FRMPD2: variants seen among roughly 807,000 people sequenced by gnomAD.
FRMPD2 encodes the protein FERM and PDZ domain-containing protein 2.
Under a neutral mutation model 140.1 loss-of-function variants are expected in FRMPD2, and 96 were observed. The ratio of observed to expected loss-of-function variants is 0.69; its 90% CI spans 0.58 to 0.81. The LOEUF is 0.81. FRMPD2 is among the 40% of genes least tolerant of loss of function. FRMPD2 has a pLI of 0.00. For synonymous variants in FRMPD2, 449 were observed against 547.6 expected (o/e 0.82, Z 2.52); for missense variants, 1,240 against 1,447.4 (o/e 0.86, Z 2.32).
At chr10:48,218,880 C>A (rs1405754028) in intron 12 of FRMPD2, among the ~76,000 whole-genome samples, 1 of 152,162 alleles carries the variant, frequency 6.6e-6, no homozygotes, top group Non-Finnish European at 1.5e-5. Flanking sequence ...GAGAAAGAAC[C>A]AGAACCCTTC....
intron 4 of FRMPD2, among the ~76,000 whole-genome samples, chr10:48,243,851 T>C (rs1321743004): frequency 6.6e-6 from 1 of 152,186 alleles, no homozygotes; most frequent in Non-Finnish European, 1.5e-5. Context: ...CCAGGTCAGC[T>C]AGGCAGGGCT....
intron 14 of FRMPD2, among the ~76,000 whole-genome samples, chr10:48,203,822 C>T (rs1291212500): frequency 6.6e-6 from 1 of 152,116 alleles, no homozygotes; most frequent in Non-Finnish European, 1.5e-5. Context: ...GATGTTTTCA[C>T]CCCAGTTGGT....
chr10:48,230,245 A>G (rs1839820393), intron 10 of FRMPD2, among the ~76,000 whole-genome samples: 3 of 152,170 alleles, frequency 2.0e-5, no homozygotes, highest in African/African-American at 7.2e-5. Context: ...GAATTCTAAA[A>G]CTATCCATAA....
chr10:48,246,658 T>C (rs761155369), intron 3 of FRMPD2, among the ~76,000 whole-genome samples: 4 of 152,216 alleles, frequency 2.6e-5, no homozygotes, highest in Non-Finnish European at 5.9e-5. Flanking sequence ...AGGGCAGATG[T>C]TGGTCCAAGG....
intron 10 of FRMPD2, among the ~76,000 whole-genome samples, chr10:48,225,986 C>T (rs1839712751): frequency 6.6e-6 from 1 of 152,160 alleles, no homozygotes; most frequent in South Asian, 2.1e-4. Flanking sequence ...GATGTGTACT[C>T]TTTTGGGGTT....
At chr10:48,230,525 C>T (rs1588843125) in intron 10 of FRMPD2, among the ~76,000 whole-genome samples, 1 of 152,178 alleles carries the variant, frequency 6.6e-6, no homozygotes, top group Non-Finnish European at 1.5e-5. Context: ...TGGTCAACCA[C>T]TATTCTTGAT....
intron 14 of FRMPD2, among the ~76,000 whole-genome samples, chr10:48,206,425 G>T (rs150738097): frequency 7.2e-5 from 11 of 152,262 alleles, no homozygotes; most frequent in South Asian, 2.1e-4. Flanking sequence ...TGCTCTCAAC[G>T]TTAATGGAGT....
intron 14 of FRMPD2, among the ~76,000 whole-genome samples, chr10:48,206,471 G>A (rs1468512939): frequency 1.3e-5 from 2 of 152,210 alleles, no homozygotes; most frequent in African/African-American, 2.4e-5. Flanking sequence ...GAAGGAAAGT[G>A]TAGCCCTTTA....
chr10:48,239,028 C>T (rs770373202), intron 7 of FRMPD2, among the ~76,000 whole-genome samples: 4 of 152,206 alleles, frequency 2.6e-5, no homozygotes, highest in Non-Finnish European at 5.9e-5. Flanking sequence ...CTCTCTCTCT[C>T]AGTTCCTCTC....
chr10:48,217,319 A>T (rs888449088), intron 12 of FRMPD2, among the ~76,000 whole-genome samples: 1 of 152,204 alleles, frequency 6.6e-6, no homozygotes, highest in Non-Finnish European at 1.5e-5. Context: ...TTCTATGCTA[A>T]TGACCAATAA....
intron 16 of FRMPD2, among the ~76,000 whole-genome samples, chr10:48,190,090 G>T (rs1273006824): frequency 1.3e-5 from 2 of 152,120 alleles, no homozygotes; most frequent in Admixed American, 1.3e-4. Context: ...GTCAGAAGGG[G>T]CCCCCGGCAG....
rs1839866713 is a variant in FRMPD2, at chr10:48,232,208, C to T, written c.1075G>A (p.Asp359Asn). ...ACAGCTCCCACTGTTGATTCAACAT[C>T]ACATTTTACCTCCAGGTGCTGCCCG... ...LNGQHLEVKC[D>N]VESTVGAVFN... The change falls in exon 10 of 29, where the codon GAT becomes AAT. Residue 359 changes from aspartate to asparagine, a missense_variant. Physicochemically the swap from Asp to Asn is conservative, Grantham distance 23. This residue lies in a region of FRMPD2 where 1,161 missense variants were observed against 1,055.9 expected (regional missense o/e 1.10). Coordinates refer to ENST00000374201, the MANE Select transcript of FRMPD2 (RefSeq NM_001018071.4). The T allele has an allele frequency of 6.2e-7, 1 of 1,614,042 alleles. No individual in the cohort carries two copies. Among genetic ancestry groups the T allele is most frequent in the Non-Finnish European group, 8.5e-7 (1 of 1,180,008 alleles).
intron 11 of FRMPD2, 104 bp downstream of exon 11, chr10:48,223,019 T>G (rs1032665391): frequency 1.0e-6 from 1 of 1,001,192 alleles, no homozygotes; most frequent in Non-Finnish European, 1.5e-6. Flanking sequence ...GTTATTTGTA[T>G]GTAATTTACA....
chr10:48,183,937 G>A (rs1478789135), intron 20 of FRMPD2, among the ~76,000 whole-genome samples: 1 of 151,608 alleles, frequency 6.6e-6, no homozygotes, highest in African/African-American at 2.4e-5. Flanking sequence ...ACAAAGAGGG[G>A]AACAACACAC....
At chr10:48,201,746 A>T (rs554674983) in intron 14 of FRMPD2, 1 of 157,384 alleles carries the variant, frequency 6.4e-6, no homozygotes, top group African/African-American at 2.4e-5. Flanking sequence ...TTATTGTACA[A>T]ACTCCAAGAA....
At chr10:48,243,829 G>C (rs1840182354) in intron 4 of FRMPD2, among the ~76,000 whole-genome samples, 1 of 152,046 alleles carries the variant, frequency 6.6e-6, no homozygotes, top group Non-Finnish European at 1.5e-5. Flanking sequence ...AGGAGGGAGG[G>C]ATCCAGTCTA....
intron 10 of FRMPD2, among the ~76,000 whole-genome samples, chr10:48,225,406 C>T (rs963613310): frequency 9.2e-5 from 14 of 152,110 alleles, no homozygotes; most frequent in South Asian, 2.1e-4. Flanking sequence ...GACAGCCAGC[C>T]GCACAAGGAC....
Position 48,181,017 on chromosome 10 carries a change from A to C in FRMPD2, c.2585-9T>G, listed in dbSNP as rs1490604991. On this transcript the variant is annotated splice_polypyrimidine_tract_variant and intron_variant, in intron 20 of 28. Coordinates refer to ENST00000374201, the MANE Select transcript of FRMPD2 (RefSeq NM_001018071.4). ...GTTATTTCCACCAACACCTATAAAA[A>C]CAAGCCAAGAAAAAGTCAACAGCTT... is the stretch of plus-strand genomic sequence containing the variant. The C allele has an allele frequency of 7.7e-7, 1 of 1,293,490 alleles. No homozygotes were observed. Among genetic ancestry groups the C allele is most frequent in the Non-Finnish European group, 1.1e-6 (1 of 888,800 alleles). 80.1% of individuals were successfully genotyped at this position (1,293,490 alleles called of 1,614,324 possible). A position where few individuals can be genotyped will look rare whatever the true frequency, so the allele number is the denominator to read the frequency against.
intron 13 of FRMPD2, 89 bp from the exon 14 acceptor site, chr10:48,207,022 G>T: frequency 1.8e-6 from 2 of 1,115,662 alleles, no homozygotes; most frequent in South Asian, 1.8e-5. Context: ...AAAACACACT[G>T]ATAGGCGTTC....
Sources: allele counts gnomAD v4.1 joint callset (sites outside exome capture counted in the v4.1 genomes callset), GRCh38; gene constraint gnomAD v4.1.1; regional missense constraint gnomAD v4.1.1; transcripts MANE v1.5; gene names NCBI Gene and HGNC (gene_info 2026-07-23, HGNC 2026-07-21).